The following GLIS3 variants were observed in gnomAD, a reference collection of about 807,000 sequenced individuals.
GLIS3 encodes GLIS family zinc finger 3.
Under a neutral mutation model 78.6 loss-of-function variants are expected in GLIS3, and 53 were observed. The observed-to-expected ratio is 0.67, with a 90% CI of 0.54 to 0.85. The LOEUF is 0.85. Ranked by LOEUF, GLIS3 falls within the 40% of genes least tolerant of loss-of-function variation. The pLI, the probability that GLIS3 is intolerant of heterozygous loss-of-function variation, is 0.00. For synonymous variants in GLIS3, 684 were observed against 509.9 expected (o/e 1.34, Z -4.60); for missense variants, 1,703 against 1,231.1 (o/e 1.38, Z -5.74).
chr9:4,338,695 T>G (rs527830993), intron 2 of GLIS3, among the ~76,000 whole-genome samples: 1 of 152,244 alleles, frequency 6.6e-6, no homozygotes, highest in African/African-American at 2.4e-5. Flanking sequence ...ATAGTGTAAG[T>G]ACTGGAGATT....
In GLIS3 at chr9:4,125,918, A is replaced by G. The variant is rs1305135959; in HGVS notation, c.412T>C (p.Cys138Arg). 6.2e-7 allele frequency: 1 copy of G among 1,613,806 alleles called. No homozygotes were observed. The highest frequency in any genetic ancestry group is 8.5e-7 in the Non-Finnish European group (1 of 1,179,928). The change falls in exon 3 of 11, where the codon TGC (cysteine) becomes CGC (arginine). Residue 138 changes from cysteine (C) to arginine (R), a missense_variant. By Grantham distance (180) the Cys-to-Arg change is radical. Coordinates refer to ENST00000381971, the MANE Select transcript of GLIS3 (RefSeq NM_001042413.2). ...CAGCTGCCTTTTCCAATGGACTTGC[A>G]CTGAGGCCCAAAGCCAAGAGCCCCT... Reference protein sequence around the residue: ...GKGALGFGPQCKSIGKGSCNN... With the variant: ...GKGALGFGPQRKSIGKGSCNN...
At chr9:4,420,503 G>T in the GLIS3 span, among the ~76,000 whole-genome samples, 1 of 152,164 alleles carries the variant, frequency 6.6e-6, no homozygotes, top group Non-Finnish European at 1.5e-5. Context: ...TTAGTATCAC[G>T]TTAAGCAAGC....
Position 3,825,428 on chromosome 9 carries a change from C to G in GLIS3, c.*2844G>C, listed in dbSNP as rs1007792880. On this transcript the variant is annotated 3_prime_UTR_variant, in exon 11 of 11. Coordinates refer to ENST00000381971, the MANE Select transcript of GLIS3 (RefSeq NM_001042413.2). ...AGCCAATGAAATGTCTCTAGGCAGA[C>G]TGATTTTTTTTTTAATGCAATAGGA... is the stretch of plus-strand genomic sequence containing the variant. 6.7e-6 allele frequency: 1 copy of G among 149,464 alleles called. No individual in the cohort carries two copies. Among genetic ancestry groups the G allele is most frequent in the African/African-American group, 2.4e-5 (1 of 41,184 alleles). 9.3% of individuals were successfully genotyped at this position (149,464 alleles called of 1,614,324 possible).
At chr9:3,951,291 C>T (rs1487014109) in intron 4 of GLIS3, among the ~76,000 whole-genome samples, 1 of 151,892 alleles carries the variant, frequency 6.6e-6, no homozygotes, top group African/African-American at 2.4e-5. Flanking sequence ...GGTAGTAAAG[C>T]AACTTAAGAA....
intron 1 of GLIS3, 116 bp from the exon 2 acceptor site, chr9:4,286,639 G>A (rs755510774): frequency 1.1e-5 from 7 of 615,526 alleles, no homozygotes; most frequent in Non-Finnish European, 2.0e-5. Flanking sequence ...TTAGCAAGAT[G>A]GCCTTTTATG....
In GLIS3 at chr9:3,866,919, G is replaced by C. The variant is rs192835166; in HGVS notation, c.2298-10735C>G. Among the ~76,000 whole-genome samples the C allele has an allele frequency of 1.8e-3, 273 of 152,304 alleles. 1 individual carries two copies. Among genetic ancestry groups the C allele is most frequent in the Non-Finnish European group, 3.2e-3 (216 of 68,022 alleles). ...GGCAAGACTTGATGTAGAGAGACCAGTTAGAGGCTATTTGCTTAAGATGGG... is the reference window on the plus strand; with the variant it reads ...GGCAAGACTTGATGTAGAGAGACCACTTAGAGGCTATTTGCTTAAGATGGG... On this transcript the variant is annotated intron_variant, in intron 8 of 10. Coordinates refer to ENST00000381971, the MANE Select transcript of GLIS3 (RefSeq NM_001042413.2).
intron 7 of GLIS3, chr9:3,898,374 G>A (rs1823021459): frequency 5.1e-6 from 2 of 390,134 alleles, no homozygotes; most frequent in Non-Finnish European, 4.9e-6. Flanking sequence ...TGCTTAAGGA[G>A]GAAACATTTC....
chr9:4,326,070 A>G (rs1006932213), intron 2 of GLIS3, among the ~76,000 whole-genome samples: 3 of 152,168 alleles, frequency 2.0e-5, no homozygotes, highest in African/African-American at 7.2e-5. Flanking sequence ...GCAGGGAGGT[A>G]GAGCCTCAGG....
intron 2 of GLIS3, among the ~76,000 whole-genome samples, chr9:4,215,571 A>G (rs988108856): frequency 4.6e-5 from 7 of 152,172 alleles, no homozygotes; most frequent in Non-Finnish European, 1.0e-4. Context: ...ATGTCCATCA[A>G]AAAACCCTGG....
intron 4 of GLIS3, among the ~76,000 whole-genome samples, chr9:3,945,828 C>T (rs1202760438): frequency 7.9e-5 from 12 of 151,170 alleles, no homozygotes; most frequent in Non-Finnish European, 1.5e-4. Flanking sequence ...AGTAGAAAAA[C>T]AAAAAAAACA....
chr9:4,369,055 C>A, the GLIS3 span, among the ~76,000 whole-genome samples: 1 of 152,108 alleles, frequency 6.6e-6, no homozygotes, highest in Non-Finnish European at 1.5e-5. Flanking sequence ...GAAATAGACT[C>A]AGAATTTTAA....
chr9:4,477,545 G>A, the GLIS3 span, among the ~76,000 whole-genome samples: 1 of 152,032 alleles, frequency 6.6e-6, no homozygotes, highest in South Asian at 2.1e-4. Context: ...CTCTGGAGTA[G>A]CTGGGACTGC....
intron 9 of GLIS3, among the ~76,000 whole-genome samples, chr9:3,847,929 G>C (rs558157140): frequency 6.6e-6 from 1 of 152,284 alleles, no homozygotes; most frequent in South Asian, 2.1e-4. Flanking sequence ...AATTATTCCT[G>C]ATTATGACTG....
At chr9:3,962,648 T>G (rs892303910) in intron 4 of GLIS3, among the ~76,000 whole-genome samples, 3 of 152,088 alleles carry the variant, frequency 2.0e-5, no homozygotes, top group Non-Finnish European at 4.4e-5. Flanking sequence ...TGCTTTTTGT[T>G]TGAGAAGAGA....
chr9:4,351,415 G>T (rs1299101505), upstream of GLIS3, among the ~76,000 whole-genome samples: 2 of 147,266 alleles, frequency 1.4e-5, no homozygotes. Flanking sequence ...AAAAAAAAAA[G>T]GGAGGGTGAG....
At chr9:4,455,812 C>G in the GLIS3 span, among the ~76,000 whole-genome samples, 2 of 151,994 alleles carry the variant, frequency 1.3e-5, no homozygotes, top group Non-Finnish European at 2.9e-5. Context: ...TTTCCTAGTA[C>G]ATATAAAAGT....
intron 4 of GLIS3, among the ~76,000 whole-genome samples, chr9:4,091,975 G>A (rs924211881): frequency 6.6e-6 from 1 of 152,116 alleles, no homozygotes; most frequent in Non-Finnish European, 1.5e-5. Flanking sequence ...TACTAGGAAT[G>A]GAGTCTGTGG....
At chr9:4,482,453 G>C in the GLIS3 span, among the ~76,000 whole-genome samples, 1 of 152,148 alleles carries the variant, frequency 6.6e-6, no homozygotes, top group East Asian at 1.9e-4. Context: ...AGTGTGTCTA[G>C]CTGCGCTGAC....
upstream of GLIS3, among the ~76,000 whole-genome samples, chr9:4,301,279 G>A (rs543368224): frequency 2.0e-5 from 3 of 152,138 alleles, no homozygotes; most frequent in Non-Finnish European, 2.9e-5. Context: ...GTCAGGATAT[G>A]TCATTCTGTC....
Sources: allele counts gnomAD v4.1 joint callset (sites outside exome capture counted in the v4.1 genomes callset), GRCh38; gene constraint gnomAD v4.1.1; transcripts MANE v1.5; gene names NCBI Gene and HGNC (gene_info 2026-07-23, HGNC 2026-07-21).